PRDM6: variants seen among roughly 807,000 people sequenced by gnomAD.
The protein encoded by PRDM6 is PR/SET domain 6.
Under a neutral mutation model 60.8 loss-of-function variants are expected in PRDM6, and 25 were observed. That is an observed-to-expected ratio of 0.41 (90% CI 0.30 to 0.57). The LOEUF (loss-of-function observed/expected upper bound fraction) is 0.57, where lower values mean the gene tolerates loss of function less well. Ranked by LOEUF, PRDM6 falls within the 20% of genes least tolerant of loss-of-function variation. The pLI is 0.27. For synonymous variants in PRDM6, 407 were observed against 357.4 expected (o/e 1.14, Z -1.57); for missense variants, 839 against 821.3 (o/e 1.02, Z -0.26).
intron 3 of PRDM6, among the ~76,000 whole-genome samples, chr5:123,108,123 A>C (rs984144075): frequency 2.6e-5 from 4 of 152,146 alleles, no homozygotes; most frequent in South Asian, 2.1e-4. Context: ...TATAGCATGC[A>C]ATTGTGAAAT....
intron 7 of PRDM6, among the ~76,000 whole-genome samples, chr5:123,181,850 T>G (rs932359640): frequency 6.6e-6 from 1 of 152,180 alleles, no homozygotes; most frequent in African/African-American, 2.4e-5. Context: ...GGGTCCTGCC[T>G]TCCTCTCTGT....
rs1049925279 is a variant in PRDM6, at chr5:123,090,318, G to C, written c.304G>C (p.Ala102Pro). The C allele has an allele frequency of 4.1e-6, 6 of 1,475,508 alleles. 1 individual carries two copies. In the Admixed American group the frequency reaches 1.4e-4, roughly 33 times the overall value. 91.4% of individuals were successfully genotyped at this position (1,475,508 alleles called of 1,614,324 possible). A position where few individuals can be genotyped will look rare whatever the true frequency, so the allele number is the denominator to read the frequency against. ...CTCCTCCTGCGCTGCTGCGGCCGCTGCCGCCGCGCTGGCTGGTCTCTCGGC... is the reference window on the plus strand; with the variant it reads ...CTCCTCCTGCGCTGCTGCGGCCGCTCCCGCCGCGCTGGCTGGTCTCTCGGC... ...SASSCAAAAAAAALAGLSALP... is the reference protein window; with the variant it reads ...SASSCAAAAAPAALAGLSALP... The change falls in exon 2 of 8, where the codon GCC (alanine) becomes CCC (proline). Residue 102 changes from alanine to proline, a missense_variant. Coordinates refer to ENST00000407847, the MANE Select transcript of PRDM6 (RefSeq NM_001136239.4).
chr5:123,114,385 C>A (rs1290963630), intron 3 of PRDM6, among the ~76,000 whole-genome samples: 1 of 152,174 alleles, frequency 6.6e-6, no homozygotes, highest in Non-Finnish European at 1.5e-5. Flanking sequence ...CAACCCATCT[C>A]TTTTACTATT....
chr5:123,111,119 G>C (rs1010146625), intron 3 of PRDM6, among the ~76,000 whole-genome samples: 5 of 152,208 alleles, frequency 3.3e-5, no homozygotes, highest in African/African-American at 9.6e-5. Context: ...CTGGAGATTG[G>C]TTGCATAACG....
At chr5:123,091,256 A>C (rs992771093) in intron 2 of PRDM6, among the ~76,000 whole-genome samples, 1 of 152,132 alleles carries the variant, frequency 6.6e-6, no homozygotes, top group Non-Finnish European at 1.5e-5. Flanking sequence ...AAGAAAAAAA[A>C]ATGACTGCTA....
chr5:123,133,362 C>G (rs1428041062), intron 3 of PRDM6, among the ~76,000 whole-genome samples: 3 of 152,042 alleles, frequency 2.0e-5, no homozygotes, highest in Admixed American at 2.0e-4. Context: ...TACTAGTAAT[C>G]TTTTCCTTTT....
rs1486739529 is a variant in PRDM6, at chr5:123,190,357, T to G, written c.*3156T>G. On this transcript the variant is annotated 3_prime_UTR_variant, in exon 8 of 8. Transcript: ENST00000407847. Reference sequence around the variant, plus strand: ...AAATCTCAATATCCCAAGGCAAAGTTGTATTTTCCCCAGGATATGTGCATA... The same window carrying G: ...AAATCTCAATATCCCAAGGCAAAGTGGTATTTTCCCCAGGATATGTGCATA... 6.6e-6 allele frequency: 1 copy of G among 152,210 alleles called. No homozygotes were observed. Among genetic ancestry groups the G allele is most frequent in the East Asian group, 1.9e-4 (1 of 5,200 alleles). 9.4% of individuals were successfully genotyped at this position (152,210 alleles called of 1,614,324 possible).
chr5:123,152,643 A>G (rs1359742137), intron 3 of PRDM6, among the ~76,000 whole-genome samples: 4 of 152,192 alleles, frequency 2.6e-5, no homozygotes, highest in Admixed American at 2.6e-4. Flanking sequence ...TATTGTTGTT[A>G]TCATAAGCTG....
At chr5:123,096,902 T>C (rs1580474567) in intron 2 of PRDM6, among the ~76,000 whole-genome samples, 1 of 152,168 alleles carries the variant, frequency 6.6e-6, no homozygotes, top group South Asian at 2.1e-4. Context: ...CTGGAGTTGG[T>C]ACCTATGCTG....
chr5:123,133,754 G>C (rs1056445046), intron 3 of PRDM6, among the ~76,000 whole-genome samples: 6 of 151,652 alleles, frequency 4.0e-5, no homozygotes, highest in Non-Finnish European at 7.4e-5. Context: ...TTTACCACAA[G>C]TGTGACAGCA....
In PRDM6 at chr5:123,189,614, A is replaced by G. The variant is rs918750687; in HGVS notation, c.*2413A>G. ...CTAGTGTTCTGCTCCATTTAAATCT[A>G]TTTTTATCCTCTATTATTAAGAGAA... is the stretch of plus-strand genomic sequence containing the variant. On this transcript the variant is annotated 3_prime_UTR_variant, in exon 8 of 8. Coordinates refer to ENST00000407847, the MANE Select transcript of PRDM6 (RefSeq NM_001136239.4). 3 of 152,168 alleles carry G rather than the reference A, an allele frequency of 2.0e-5. No homozygotes were observed. The highest frequency in any genetic ancestry group is 6.5e-5 in the Admixed American group (1 of 15,276). 9.4% of individuals were successfully genotyped at this position (152,168 alleles called of 1,614,324 possible).
intron 3 of PRDM6, among the ~76,000 whole-genome samples, chr5:123,140,360 C>A (rs1398652477): frequency 1.3e-5 from 2 of 151,484 alleles, no homozygotes; most frequent in East Asian, 3.9e-4. Flanking sequence ...ATTGCCATGG[C>A]AGCTATATTA....
chr5:123,115,016 C>T (rs1471861568), intron 3 of PRDM6, among the ~76,000 whole-genome samples: 1 of 152,098 alleles, frequency 6.6e-6, no homozygotes, highest in East Asian at 1.9e-4. Context: ...TTGTTTACAT[C>T]CAGAAGACTG....
chr5:123,091,069 T>G (rs929577079), intron 2 of PRDM6, among the ~76,000 whole-genome samples: 9 of 152,086 alleles, frequency 5.9e-5, no homozygotes, highest in African/African-American at 2.2e-4. Flanking sequence ...TTGTTTTTGC[T>G]ACTCTCCACC....
intron 3 of PRDM6, among the ~76,000 whole-genome samples, chr5:123,116,727 C>T (rs1764458378): frequency 6.6e-6 from 1 of 152,108 alleles, no homozygotes; most frequent in Non-Finnish European, 1.5e-5. Context: ...GAGGGACGGT[C>T]AGGCTAGGCT....
At chr5:123,173,914 G>A (rs1266065900) in intron 6 of PRDM6, among the ~76,000 whole-genome samples, 7 of 152,126 alleles carry the variant, frequency 4.6e-5, no homozygotes, top group Admixed American at 4.6e-4. Flanking sequence ...TAACCACATG[G>A]GTGAATTGCT....
At chr5:123,113,738 C>T (rs1764367655) in intron 3 of PRDM6, among the ~76,000 whole-genome samples, 1 of 152,160 alleles carries the variant, frequency 6.6e-6, no homozygotes, top group Non-Finnish European at 1.5e-5. Flanking sequence ...ACCCTGGCCT[C>T]TGGACCCGGA....
At chr5:123,105,033 A>G (rs1347841242) in intron 3 of PRDM6, among the ~76,000 whole-genome samples, 5 of 152,250 alleles carry the variant, frequency 3.3e-5, no homozygotes, top group Admixed American at 6.5e-5. Context: ...AGTGAGGTTT[A>G]ATCCCAACAT....
Position 123,106,885 on chromosome 5 carries a change from A to G in PRDM6, c.900+6924A>G, listed in dbSNP as rs549121208. Among the ~76,000 whole-genome samples, 5 of 152,370 alleles carry G rather than the reference A, an allele frequency of 3.3e-5. No individual in the cohort carries two copies. The East Asian group carries it at 9.6e-4, about 29-fold the overall frequency. On this transcript the variant is annotated intron_variant, in intron 3 of 7. Transcript: ENST00000407847. ...ACAAAATTGATCATTCCAGTGTGGT[A>G]TAGACAGATTTCAGCAATGATCATT...
Sources: gnomAD v4.1 joint callset for allele counts (sites outside exome capture counted in the v4.1 genomes callset) on GRCh38, gnomAD v4.1.1 for gene constraint, MANE v1.5 for transcripts, NCBI Gene and HGNC (gene_info 2026-07-23, HGNC 2026-07-21) for gene names.